The following RNF19B variants were observed in gnomAD, a reference collection of about 807,000 sequenced individuals.
The protein encoded by RNF19B is ring finger protein 19B.
In RNF19B, 23 loss-of-function variants were observed where a neutral mutation model predicts 65.5. The ratio of observed to expected loss-of-function variants is 0.35; its 90% CI spans 0.25 to 0.50. The LOEUF is 0.50. Among genes scored for constraint, RNF19B ranks in the 20% least tolerant of loss-of-function variants. The pLI is 0.98. For missense variants in RNF19B, 794 were observed against 980.0 expected (o/e 0.81, Z 2.53); for synonymous variants, 372 against 379.6 (o/e 0.98, Z 0.23).
At chr1:32,952,469 G>A (rs746066588) in intron 1 of RNF19B, among the ~76,000 whole-genome samples, 3 of 147,586 alleles carry the variant, frequency 2.0e-5, no homozygotes, top group Non-Finnish European at 3.0e-5. Flanking sequence ...ACAGCCTGGC[G>A]TGGTGGCTCA....
In RNF19B at chr1:32,963,208, C is replaced by G. The variant is rs547267804; in HGVS notation, c.635+843G>C. Among the ~76,000 whole-genome samples, 222 of 152,228 alleles carry G rather than the reference C, an allele frequency of 1.5e-3. 1 individual carries two copies. Among genetic ancestry groups the G allele is most frequent in the African/African-American group, 5.1e-3 (213 of 41,526 alleles). On this transcript the variant is annotated intron_variant, in intron 1 of 8. Transcript: ENST00000235150. ...GACAGAGTGCCTCCCGATAGCGTGG[C>G]ACAGAACACATAGTGCTCAGGGTAC...
In RNF19B at chr1:32,944,146, G is replaced by A. The variant is rs1642309529; in HGVS notation, c.1275C>T (p.Pro425=). 6.2e-7 allele frequency: 1 copy of A among 1,612,292 alleles called. No individual in the cohort carries two copies. Among genetic ancestry groups the A allele is most frequent in the Admixed American group, 1.7e-5 (1 of 59,604 alleles). Residue 425 remains proline (P), a synonymous_variant, in exon 6 of 9, where the codon CCC becomes CCT. Coordinates refer to ENST00000235150, the MANE Select transcript of RNF19B (RefSeq NM_001300826.2). ...IAAVSVGIGV[P]IMLAYVYGVV... ...CCCCATAAACATATGCCAGCATAAT[G>A]GGGACACCAATACCTGGGGGAAGAG...
Position 32,954,719 on chromosome 1 carries a change from C to A in RNF19B, c.636-4945G>T, listed in dbSNP as rs534860253. On this transcript the variant is annotated intron_variant, in intron 1 of 8. Transcript: ENST00000235150. Reference sequence around the variant, plus strand: ...CACCACTGCACTCCAGCCTGGGCAACAAAAGAGGAATTCCATCTCAAAAAA... The same window carrying A: ...CACCACTGCACTCCAGCCTGGGCAAAAAAAGAGGAATTCCATCTCAAAAAA... 1.8e-3 allele frequency among the ~76,000 whole-genome samples: 244 copies of A among 137,306 alleles called. 2 individuals are homozygous for A. The highest frequency in any genetic ancestry group is 2.5e-3 in the Admixed American group (32 of 12,902). The allele number at this position is 137,306 out of a possible 152,430, so 90.1% of individuals were successfully genotyped here.
chr1:32,959,926 C>T (rs1642731003), intron 1 of RNF19B, among the ~76,000 whole-genome samples: 1 of 151,504 alleles, frequency 6.6e-6, no homozygotes, highest in Admixed American at 6.6e-5. Context: ...TGGTGGGCGC[C>T]TGTGGTCCCA....
the RNF19B span, among the ~76,000 whole-genome samples, chr1:32,929,840 G>A: frequency 4.6e-5 from 7 of 152,172 alleles, no homozygotes; most frequent in South Asian, 1.5e-3. Flanking sequence ...CTGTTGCCTT[G>A]GTACTACCCC....
chr1:32,949,476 A>AC, intron 2 of RNF19B, 93 bp downstream of exon 2: 1 of 1,013,060 alleles, frequency 9.9e-7, no homozygotes, highest in Non-Finnish European at 1.5e-6. Context: ...CCTTTGGAGT[A>AC]CTTGGGTTAT....
At chr1:32,954,544 G>C (rs1366028952) in intron 1 of RNF19B, among the ~76,000 whole-genome samples, 1 of 151,714 alleles carries the variant, frequency 6.6e-6, no homozygotes, top group Non-Finnish European at 1.5e-5. Context: ...TTCAAGACCA[G>C]CCTGGCCAAC....
At chr1:32,952,748 CAAA>C (rs36076202) in intron 1 of RNF19B, among the ~76,000 whole-genome samples, 62 of 130,974 alleles carry the variant, frequency 4.7e-4, no homozygotes, top group Middle Eastern at 3.8e-3. Flanking sequence ...GACTCCATCT[CAAA>C]AAAAAAAAAA....
At chr1:32,952,868 G>A (rs1642540786) in intron 1 of RNF19B, among the ~76,000 whole-genome samples, 1 of 150,344 alleles carries the variant, frequency 6.7e-6, no homozygotes, top group Non-Finnish European at 1.5e-5. Context: ...AGCCACGTTT[G>A]CGCCACTGCA....
At chr1:32,929,252 T>C in the RNF19B span, among the ~76,000 whole-genome samples, 1 of 152,238 alleles carries the variant, frequency 6.6e-6, no homozygotes, top group Non-Finnish European at 1.5e-5. Flanking sequence ...CCTATGTGCA[T>C]GTCTTTGTGT....
intron 1 of RNF19B, among the ~76,000 whole-genome samples, chr1:32,954,570 C>T (rs553579240): frequency 1.3e-5 from 2 of 151,788 alleles, no homozygotes; most frequent in East Asian, 3.9e-4. Context: ...GAAATCCCGT[C>T]TCAACTAAAA....
At position 32,936,618 on chromosome 1, in the gene RNF19B, G is replaced by T. The variant is rs185878371; in HGVS notation, c.*188C>A. 3.5e-6 allele frequency: 2 copies of T among 572,466 alleles called. No homozygotes were observed. The highest frequency in any genetic ancestry group is 5.7e-6 in the Non-Finnish European group (2 of 350,764). 35.5% of individuals were successfully genotyped at this position (572,466 alleles called of 1,614,324 possible). A position where few individuals can be genotyped will look rare whatever the true frequency, so the allele number is the denominator to read the frequency against. On this transcript the variant is annotated 3_prime_UTR_variant, in exon 9 of 9. Coordinates refer to ENST00000235150, the MANE Select transcript of RNF19B (RefSeq NM_001300826.2). ...GGGAGGGGAGGGGAGGGGAACTAAC[G>T]GCAAACTTTTCATGTTTTATCTGGT...
chr1:32,945,552 G>A lies in RNF19B; in HGVS notation c.1223C>T (p.Ser408Leu), dbSNP rs1642346844. 3.1e-6 allele frequency: 5 copies of A among 1,613,582 alleles called. No individual in the cohort carries two copies. Among genetic ancestry groups the A allele is most frequent in the Non-Finnish European group, 4.2e-6 (5 of 1,179,570 alleles). Reference sequence around the variant, plus strand: ...AGCAATAACTGGGGATGCAATGACCGACAAAGTCACTCCTCCAGTGATAGC... The same window carrying A: ...AGCAATAACTGGGGATGCAATGACCAACAAAGTCACTCCTCCAGTGATAGC... Reference protein sequence around the residue: ...NLAITGGVTLSVIASPVIAAV... With the variant: ...NLAITGGVTLLVIASPVIAAV... The change falls in exon 5 of 9, where the codon TCG becomes TTG. Residue 408 changes from serine (S) to leucine (L), a missense_variant. Physicochemically the swap from Ser to Leu is moderately radical, Grantham distance 145. Transcript: ENST00000235150.
In RNF19B at chr1:32,943,898, C is replaced by G. The variant is rs564554639; in HGVS notation, c.1402+121G>C. On this transcript the variant is annotated intron_variant, in intron 6 of 8. Transcript: ENST00000235150. ...ATGAAAAGCTAAAAATACTTTACCC[C>G]CTACAAAGCTCATTATCCAAAGTAA... 2.6e-5 allele frequency: 25 copies of G among 969,512 alleles called. No individual in the cohort carries two copies. The South Asian group carries it at 3.4e-4, about 13-fold the overall frequency. 60.1% of individuals were successfully genotyped at this position (969,512 alleles called of 1,614,324 possible).
chr1:32,937,220 G>C lies in RNF19B; in HGVS notation c.1782C>G (p.Ala594=). 1.2e-6 allele frequency: 2 copies of C among 1,614,028 alleles called. No homozygotes were observed. Among genetic ancestry groups the C allele is most frequent in the Non-Finnish European group, 1.7e-6 (2 of 1,180,014 alleles). Residue 594 remains alanine, a synonymous_variant, in exon 9 of 9, where the codon GCC becomes GCG. Coordinates refer to ENST00000235150, the MANE Select transcript of RNF19B (RefSeq NM_001300826.2). ...NNMEIQVDIE[A]KPSHYQLVSG... ...TCACCAGCTGATAGTGGCTTGGTTTGGCTTCAATGTCCACTTGGATTTCCA... is the reference window on the plus strand; with the variant it reads ...TCACCAGCTGATAGTGGCTTGGTTTCGCTTCAATGTCCACTTGGATTTCCA...
intron 1 of RNF19B, among the ~76,000 whole-genome samples, chr1:32,960,047 T>C (rs1172081955): frequency 5.3e-5 from 8 of 150,888 alleles, no homozygotes; most frequent in Non-Finnish European, 1.2e-4. Flanking sequence ...CGAGACTCCG[T>C]CTCAAAAAAA....
At chr1:32,953,872 G>A (rs1355762223) in intron 1 of RNF19B, among the ~76,000 whole-genome samples, 1 of 122,458 alleles carries the variant, frequency 8.2e-6, no homozygotes, top group Non-Finnish European at 1.8e-5. Context: ...AGAAGTAAAT[G>A]TTTATTAACA....
chr1:32,937,886 C>G (rs1460390119), intron 8 of RNF19B, among the ~76,000 whole-genome samples: 2 of 152,074 alleles, frequency 1.3e-5, no homozygotes, highest in South Asian at 2.1e-4. Context: ...CCCATGCTAG[C>G]TTACTCAAAA....
chr1:32,937,817 TCAGC>T (rs753565983), intron 8 of RNF19B, among the ~76,000 whole-genome samples: 1 of 152,154 alleles, frequency 6.6e-6, no homozygotes, highest in African/African-American at 2.4e-5. Flanking sequence ...CACGTGTATC[TCAGC>T]CAATCTCTTT....
Sources: gnomAD v4.1 joint callset for allele counts (sites outside exome capture counted in the v4.1 genomes callset) on GRCh38, gnomAD v4.1.1 for gene constraint, MANE v1.5 for transcripts, NCBI Gene and HGNC (gene_info 2026-07-23, HGNC 2026-07-21) for gene names.